The following CNTNAP2 variants were observed in gnomAD, a reference collection of about 807,000 sequenced individuals.
CNTNAP2 encodes the protein contactin-associated protein-like 2.
Under a neutral mutation model 155.2 loss-of-function variants are expected in CNTNAP2, and 98 were observed. That is an observed-to-expected ratio of 0.63 (90% CI 0.54 to 0.75). The LOEUF is 0.75. Among genes scored for constraint, CNTNAP2 ranks in the 30% least tolerant of loss-of-function variants. The probability of loss-of-function intolerance (pLI) is 0.00; values close to 1 mark genes in which losing one functional copy is unlikely to be tolerated. For synonymous variants in CNTNAP2, 651 were observed against 631.2 expected (o/e 1.03, Z -0.47); for missense variants, 1,727 against 1,688.1 (o/e 1.02, Z -0.40).
chr7:146,197,706 A>G (rs1165902540), intron 1 of CNTNAP2, among the ~76,000 whole-genome samples: 1 of 152,186 alleles, frequency 6.6e-6, no homozygotes, highest in Admixed American at 6.5e-5. Flanking sequence ...CTAGTCTAAC[A>G]GTATGCTGAC....
At chr7:147,724,103 G>A (rs997444570) in intron 13 of CNTNAP2, among the ~76,000 whole-genome samples, 1 of 151,756 alleles carries the variant, frequency 6.6e-6, no homozygotes, top group Non-Finnish European at 1.5e-5. Flanking sequence ...TAATAATGAG[G>A]CTATAACATT....
At chr7:146,714,112 C>T (rs1335312348) in intron 1 of CNTNAP2, among the ~76,000 whole-genome samples, 1 of 152,086 alleles carries the variant, frequency 6.6e-6, no homozygotes, top group Non-Finnish European at 1.5e-5. Context: ...TAAGATACAT[C>T]TCATATAGAA....
chr7:146,732,173 T>C (rs559704136), intron 1 of CNTNAP2, among the ~76,000 whole-genome samples: 1 of 152,306 alleles, frequency 6.6e-6, no homozygotes, highest in Non-Finnish European at 1.5e-5. Flanking sequence ...TAGAAGCTAC[T>C]TAAAATTTGT....
chr7:147,702,857 T>C (rs900723095), intron 13 of CNTNAP2, among the ~76,000 whole-genome samples: 3 of 152,192 alleles, frequency 2.0e-5, no homozygotes, highest in African/African-American at 4.8e-5. Context: ...ACAAGGGTCC[T>C]GCATTTTCAT....
At chr7:146,600,272 A>G (rs10253141) in intron 1 of CNTNAP2, among the ~76,000 whole-genome samples, 4,979 of 152,246 alleles carry the variant, frequency 0.033, 267 homozygotes, top group African/African-American at 0.11. Flanking sequence ...CAACTCACGT[A>G]CTGCAAATAT....
chr7:147,486,042 G>A lies in CNTNAP2; in HGVS notation c.1777+1G>A. The A allele has an allele frequency of 6.2e-7, 1 of 1,612,140 alleles. No individual in the cohort carries two copies. The highest frequency in any genetic ancestry group is 8.5e-7 in the Non-Finnish European group (1 of 1,178,208). On this transcript the variant is annotated splice_donor_variant, in intron 11 of 23. Transcript: ENST00000361727. LOFTEE classifies it high-confidence loss of function. ...TACAGTGGGGCCACCTGCCACAACT[G>A]TGAGTGCCAATTTATCTCACTTTAA... is the stretch of plus-strand genomic sequence containing the variant.
chr7:148,293,417 AT>A lies in CNTNAP2; in HGVS notation c.3475+26293del, dbSNP rs1181803717. On this transcript the variant is annotated intron_variant, in intron 21 of 23. Transcript: ENST00000361727. Reference sequence around the variant, plus strand: ...GGATTAATGGTAATAGATGTAAAGAATTGGGCACGGTAAGTCAATAGTCAAA... The same window carrying A: ...GGATTAATGGTAATAGATGTAAAGAATGGGCACGGTAAGTCAATAGTCAAA... 7.9e-5 allele frequency among the ~76,000 whole-genome samples: 12 copies of A among 152,342 alleles called. 1 individual carries two copies. The highest frequency in any genetic ancestry group is 2.9e-4 in the African/African-American group (12 of 41,580).
intron 15 of CNTNAP2, among the ~76,000 whole-genome samples, chr7:148,092,415 G>C (rs1803862468): frequency 6.6e-6 from 1 of 152,120 alleles, no homozygotes; most frequent in South Asian, 2.1e-4. Flanking sequence ...AAATGGAGAG[G>C]CTGGTTGTGT....
At chr7:148,147,770 C>CAAAAA in intron 17 of CNTNAP2, 61 bp downstream of exon 17, 1 of 1,237,022 alleles carries the variant, frequency 8.1e-7, no homozygotes, top group Non-Finnish European at 1.1e-6. Flanking sequence ...CTGCACAATA[C>CAAAAA]AAAAAAAAAA....
intron 13 of CNTNAP2, among the ~76,000 whole-genome samples, chr7:147,866,600 C>T (rs1304987064): frequency 6.6e-6 from 1 of 152,074 alleles, no homozygotes; most frequent in Non-Finnish European, 1.5e-5. Context: ...AATCTGGGTG[C>T]TCCTGTTTTG....
intron 2 of CNTNAP2, among the ~76,000 whole-genome samples, chr7:146,787,623 T>C (rs1219990058): frequency 2.0e-5 from 3 of 152,126 alleles, no homozygotes; most frequent in Non-Finnish European, 4.4e-5. Context: ...AGATTTATTG[T>C]GAAAAGCGAA....
intron 13 of CNTNAP2, among the ~76,000 whole-genome samples, chr7:147,721,621 G>A (rs1044202050): frequency 2.0e-5 from 3 of 151,946 alleles, no homozygotes; most frequent in Non-Finnish European, 4.4e-5. Context: ...TTTCTTCCAG[G>A]AGTTCCCTTT....
intron 4 of CNTNAP2, among the ~76,000 whole-genome samples, chr7:147,100,978 A>G (rs555095403): frequency 1.3e-5 from 2 of 152,328 alleles, no homozygotes; most frequent in East Asian, 3.9e-4. Context: ...TCACACAGGC[A>G]GGCTTTCTAG....
chr7:147,413,577 G>T (rs1223153263), intron 10 of CNTNAP2, among the ~76,000 whole-genome samples: 4 of 152,210 alleles, frequency 2.6e-5, no homozygotes, highest in Non-Finnish European at 5.9e-5. Context: ...AAAAATGTAT[G>T]AAGAATAAAT....
At chr7:146,621,314 C>T (rs867400743) in intron 1 of CNTNAP2, among the ~76,000 whole-genome samples, 8 of 152,176 alleles carry the variant, frequency 5.3e-5, no homozygotes, top group African/African-American at 1.9e-4. Context: ...AATGTGCTAA[C>T]ATTTGTCATA....
At chr7:147,130,779 G>A (rs1199660769) in intron 7 of CNTNAP2, among the ~76,000 whole-genome samples, 3 of 152,016 alleles carry the variant, frequency 2.0e-5, no homozygotes, top group Admixed American at 2.0e-4. Context: ...TGACTCCAAA[G>A]TCAGCACCGT....
intron 3 of CNTNAP2, among the ~76,000 whole-genome samples, chr7:147,038,966 T>C (rs758843370): frequency 5.5e-4 from 84 of 152,130 alleles, no homozygotes; most frequent in Non-Finnish European, 1.8e-4. Flanking sequence ...CCTCTCCATC[T>C]TCTCCCCTGT....
At chr7:146,199,486 C>A (rs114536800) in intron 1 of CNTNAP2, among the ~76,000 whole-genome samples, 3,191 of 152,086 alleles carry the variant, frequency 0.021, 101 homozygotes, top group African/African-American at 0.071. Flanking sequence ...GGAGTACCTA[C>A]TATAACATAC....
intron 1 of CNTNAP2, among the ~76,000 whole-genome samples, chr7:146,661,722 T>C (rs1250011614): frequency 1.3e-5 from 1 of 76,056 alleles, no homozygotes; most frequent in Non-Finnish European, 3.2e-5. Flanking sequence ...TTTTCTTTCT[T>C]TCTTTCTTTC....
Sources: gnomAD v4.1 joint callset for allele counts (sites outside exome capture counted in the v4.1 genomes callset) on GRCh38, gnomAD v4.1.1 for gene constraint, MANE v1.5 for transcripts, NCBI Gene and HGNC (gene_info 2026-07-23, HGNC 2026-07-21) for gene names.